B3GALT1: variants seen among roughly 807,000 people sequenced by gnomAD.
The protein encoded by B3GALT1 is UDP-Gal:betaGlcNAc beta 1,3-galactosyltransferase, polypeptide 1.
B3GALT1 carries 10 observed loss-of-function variants against 23.2 expected under a neutral mutation model. That is an observed-to-expected ratio of 0.43 (90% CI 0.27 to 0.73). The LOEUF (loss-of-function observed/expected upper bound fraction) is 0.73. Ranked by LOEUF, B3GALT1 falls within the 30% of genes least tolerant of loss-of-function variation. B3GALT1 has a pLI of 0.21. For synonymous variants in B3GALT1, 156 were observed against 141.5 expected (o/e 1.10, Z -0.73); for missense variants, 299 against 405.4 (o/e 0.74, Z 2.25).
chr2:167,846,745 A>G (rs997454649), intron 4 of B3GALT1, among the ~76,000 whole-genome samples: 1 of 152,274 alleles, frequency 6.6e-6, no homozygotes, highest in African/African-American at 2.4e-5. Context: ...AATAAATGCA[A>G]CGGTGCCTCA....
chr2:167,627,432 T>G (rs756785261), intron 2 of B3GALT1, among the ~76,000 whole-genome samples: 1 of 151,750 alleles, frequency 6.6e-6, no homozygotes, highest in Non-Finnish European at 1.5e-5. Flanking sequence ...AATATATAAC[T>G]TTTTGAGTCT....
intron 3 of B3GALT1, chr2:167,714,981 C>G: frequency 6.2e-7 from 1 of 1,611,532 alleles, no homozygotes; most frequent in Non-Finnish European, 8.5e-7. Flanking sequence ...TGCAAAGATG[C>G]TTGTTGAGTC....
At chr2:167,396,977 A>C (rs1698109648) in intron 1 of B3GALT1, among the ~76,000 whole-genome samples, 1 of 152,104 alleles carries the variant, frequency 6.6e-6, no homozygotes. Context: ...TTTTCAAATA[A>C]AGAGCCTTCA....
intron 3 of B3GALT1, among the ~76,000 whole-genome samples, chr2:167,741,891 T>G (rs924158077): frequency 6.6e-6 from 1 of 152,202 alleles, no homozygotes; most frequent in Admixed American, 6.5e-5. Context: ...CATAACTTAC[T>G]GAGAGTATAT....
rs146661116 is a variant in B3GALT1 at position 167,725,387 on chromosome 2, T to C, written c.-352+78421T>C. Among the ~76,000 whole-genome samples the C allele has an allele frequency of 5.3e-3, 809 of 152,334 alleles. 1 individual carries two copies. Among genetic ancestry groups the C allele is most frequent in the Non-Finnish European group, 6.6e-3 (450 of 68,028 alleles). The stretch of plus-strand genomic sequence containing the variant: ...GTCCTGGAAGTGCTTGGTTGAGTCA[T>C]GATTATTTGGACTTTGGCAGTTCAT... On this transcript the variant is annotated intron_variant, in intron 3 of 4. Coordinates refer to ENST00000392690, the MANE Select transcript of B3GALT1 (RefSeq NM_020981.4).
intron 1 of B3GALT1, among the ~76,000 whole-genome samples, chr2:167,310,017 G>A (rs1037681627): frequency 6.6e-5 from 10 of 152,002 alleles, no homozygotes; most frequent in African/African-American, 1.9e-4. Context: ...TCTGAGTAGA[G>A]ATAACAAGCA....
intron 2 of B3GALT1, among the ~76,000 whole-genome samples, chr2:167,614,167 G>C (rs1685116787): frequency 6.6e-6 from 1 of 151,378 alleles, no homozygotes; most frequent in African/African-American, 2.4e-5. Context: ...GTAAGTAAAT[G>C]AGCAAATAAA....
At chr2:167,750,692 G>A (rs1046421) in intron 3 of B3GALT1, among the ~76,000 whole-genome samples, 1 of 142,454 alleles carries the variant, frequency 7.0e-6, no homozygotes, top group South Asian at 2.2e-4. Context: ...ATATTATGTA[G>A]CAAGTTAACC....
chr2:167,748,404 A>G (rs1687683866), intron 3 of B3GALT1, among the ~76,000 whole-genome samples: 1 of 152,138 alleles, frequency 6.6e-6, no homozygotes, highest in Non-Finnish European at 1.5e-5. Context: ...ATTTCCACAG[A>G]TTCATTAAGT....
chr2:167,430,120 C>T (rs1404457358), intron 1 of B3GALT1, among the ~76,000 whole-genome samples: 1 of 152,138 alleles, frequency 6.6e-6, no homozygotes, highest in Non-Finnish European at 1.5e-5. Flanking sequence ...GGTCAGTGGT[C>T]TCAGTTTTAA....
At chr2:167,555,675 G>A (rs1027963401) in intron 2 of B3GALT1, among the ~76,000 whole-genome samples, 2 of 152,120 alleles carry the variant, frequency 1.3e-5, no homozygotes, top group African/African-American at 2.4e-5. Context: ...ATCTATGTTA[G>A]GAGTTACAGT....
intron 1 of B3GALT1, among the ~76,000 whole-genome samples, chr2:167,462,376 C>T (rs1308868765): frequency 6.6e-6 from 1 of 152,158 alleles, no homozygotes; most frequent in Non-Finnish European, 1.5e-5. Context: ...TAGGCTACTC[C>T]TCATGGTCCT....
chr2:167,462,553 A>G (rs1490352477), intron 1 of B3GALT1, among the ~76,000 whole-genome samples: 1 of 152,136 alleles, frequency 6.6e-6, no homozygotes, highest in Non-Finnish European at 1.5e-5. Context: ...AAAAATTGGC[A>G]GCTGTATCCA....
At chr2:167,632,741 T>C (rs1380208542) in intron 2 of B3GALT1, among the ~76,000 whole-genome samples, 2 of 152,216 alleles carry the variant, frequency 1.3e-5, no homozygotes, top group African/African-American at 4.8e-5. Context: ...TCCCATTCTG[T>C]AGGTTGCCTG....
At chr2:167,766,043 AT>A (rs1210063572) in intron 3 of B3GALT1, among the ~76,000 whole-genome samples, 4 of 152,242 alleles carry the variant, frequency 2.6e-5, no homozygotes, top group African/African-American at 9.6e-5. Context: ...CTCCAGACAC[AT>A]ACATAAATTT....
At chr2:167,754,698 G>T (rs1257845445) in intron 3 of B3GALT1, among the ~76,000 whole-genome samples, 1 of 152,068 alleles carries the variant, frequency 6.6e-6, no homozygotes, top group Non-Finnish European at 1.5e-5. Flanking sequence ...TCTTACAAGA[G>T]AACCCAGCAC....
At chr2:167,674,317 T>C (rs528798958) in intron 3 of B3GALT1, among the ~76,000 whole-genome samples, 210 of 152,332 alleles carry the variant, frequency 1.4e-3, no homozygotes, top group African/African-American at 4.9e-3. Flanking sequence ...GCATGGTCTT[T>C]GTCTCCATCT....
chr2:167,699,152 A>C (rs1382435376), intron 3 of B3GALT1, among the ~76,000 whole-genome samples: 1 of 152,152 alleles, frequency 6.6e-6, no homozygotes. Context: ...GTGAATTTGC[A>C]AAGATCTGGA....
At chr2:167,705,819 G>T (rs887200541) in intron 3 of B3GALT1, among the ~76,000 whole-genome samples, 3 of 152,146 alleles carry the variant, frequency 2.0e-5, no homozygotes, top group Non-Finnish European at 2.9e-5. Context: ...ACCACATGTG[G>T]CTATTTACTT....
Sources: gnomAD v4.1 joint callset for allele counts (sites outside exome capture counted in the v4.1 genomes callset) on GRCh38, gnomAD v4.1.1 for gene constraint, MANE v1.5 for transcripts, NCBI Gene and HGNC (gene_info 2026-07-23, HGNC 2026-07-21) for gene names.